FGF9: variants seen among roughly 807,000 people sequenced by gnomAD.
The protein encoded by FGF9 is fibroblast growth factor 9, also known as fibroblast growth factor 9 (glia-activating factor).
Under a neutral mutation model 19.9 loss-of-function variants are expected in FGF9, and 3 were observed. The ratio of observed to expected loss-of-function variants is 0.15; its 90% CI spans 0.07 to 0.39. FGF9 has a LOEUF of 0.39. FGF9 is among the 10% of genes least tolerant of loss of function. The pLI is 1.00. For synonymous variants in FGF9, 107 were observed against 106.9 expected (o/e 1.00, Z -0.01); for missense variants, 175 against 256.8 (o/e 0.68, Z 2.18).
chr13:21,700,104 G>T (rs1239488913), intron 2 of FGF9, among the ~76,000 whole-genome samples: 2 of 151,752 alleles, frequency 1.3e-5, no homozygotes, highest in Non-Finnish European at 2.9e-5. Context: ...CTAGGTTGTG[G>T]GGTTCAACTG....
chr13:21,697,539 C>T (rs1872436903), intron 2 of FGF9, among the ~76,000 whole-genome samples: 1 of 152,106 alleles, frequency 6.6e-6, no homozygotes, highest in African/African-American at 2.4e-5. Context: ...GGAAATAGGG[C>T]AGTGTTAACT....
intron 2 of FGF9, among the ~76,000 whole-genome samples, chr13:21,687,573 C>G (rs763753252): frequency 1.3e-5 from 2 of 152,184 alleles, no homozygotes; most frequent in Middle Eastern, 3.2e-3. Context: ...GTAAATCCAG[C>G]CTTGGCGCTT....
chr13:21,671,704 CTAT>C lies in FGF9; in HGVS notation c.-208_-206del, dbSNP rs1344364107. 6.4e-6 allele frequency: 4 copies of C among 623,082 alleles called. No individual in the cohort carries two copies. The highest frequency in any genetic ancestry group is 8.5e-6 in the Non-Finnish European group (3 of 353,328). 38.6% of individuals were successfully genotyped at this position (623,082 alleles called of 1,614,324 possible). A position where few individuals can be genotyped will look rare whatever the true frequency, so the allele number is the denominator to read the frequency against. ...GAGTATAAAGTGGTGGTTTCTTAGA[CTAT>C]CAGTGGTTTGACCTTGAACCTGTGC... is the stretch of plus-strand genomic sequence containing the variant. On this transcript the variant is annotated 5_prime_UTR_variant, in exon 1 of 3. Transcript: ENST00000382353.
chr13:21,700,433 G>A (rs1282546570), intron 2 of FGF9, among the ~76,000 whole-genome samples: 1 of 152,214 alleles, frequency 6.6e-6, no homozygotes, highest in Admixed American at 6.5e-5. Flanking sequence ...CTGAATCAGA[G>A]TTTTAAAGGT....
intron 2 of FGF9, among the ~76,000 whole-genome samples, chr13:21,685,192 G>T (rs1198653703): frequency 2.0e-5 from 3 of 152,172 alleles, no homozygotes; most frequent in Admixed American, 2.0e-4. Context: ...AACTAAATTG[G>T]AGATTTTTTT....
At chr13:21,677,522 C>T (rs1278402134) in intron 1 of FGF9, among the ~76,000 whole-genome samples, 1 of 152,044 alleles carries the variant, frequency 6.6e-6, no homozygotes, top group East Asian at 1.9e-4. Flanking sequence ...CCAGCTCCAC[C>T]CCAGAGAGAG....
chr13:21,675,562 G>A (rs763042780), intron 1 of FGF9, among the ~76,000 whole-genome samples: 23 of 152,074 alleles, frequency 1.5e-4, no homozygotes, highest in Non-Finnish European at 2.9e-4. Context: ...GCGCCGCCGC[G>A]GCCTCACCTT....
Position 21,672,811 on chromosome 13 carries a change from G to T in FGF9, c.277+622G>T, listed in dbSNP as rs1871800042. ...TTGGGGGAAAATGACTTGGGAAGAG[G>T]CAGGGCGCTCAGGGGTTTTTGTCCT... On this transcript the variant is annotated intron_variant, in intron 1 of 2. Coordinates refer to ENST00000382353, the MANE Select transcript of FGF9 (RefSeq NM_002010.3). This position sits in a 1 kb window ranked among gnomAD's most constrained non-coding sequence, Gnocchi z 4.2. 6.6e-6 allele frequency among the ~76,000 whole-genome samples: 1 copy of T among 152,206 alleles called. No homozygotes were observed. Among genetic ancestry groups the T allele is most frequent in the African/African-American group, 2.4e-5 (1 of 41,448 alleles).
In FGF9 at chr13:21,673,593, CAA is replaced by C. The variant is rs1871824520; in HGVS notation, c.277+1406_277+1407del. Reference sequence around the variant, plus strand: ...AAGTAAAGGTAGATTCTGGTTGTTGCAAAGAGAAGACTAAACTTTACTAAAAG... The same window carrying C: ...AAGTAAAGGTAGATTCTGGTTGTTGCAGAGAAGACTAAACTTTACTAAAAG... On this transcript the variant is annotated intron_variant, in intron 1 of 2. Coordinates refer to ENST00000382353, the MANE Select transcript of FGF9 (RefSeq NM_002010.3). Among the ~76,000 whole-genome samples, 3 of 152,232 alleles carry C rather than the reference CAA, an allele frequency of 2.0e-5. No homozygotes were observed. The South Asian group carries it at 6.2e-4, about 31-fold the overall frequency.
At chr13:21,679,714 C>G (rs1030740364) in intron 1 of FGF9, among the ~76,000 whole-genome samples, 47 of 147,390 alleles carry the variant, frequency 3.2e-4, no homozygotes, top group African/African-American at 1.1e-3. Flanking sequence ...CGAGGCGGGT[C>G]GATCACGAGG....
rs1191070031 is a variant in FGF9 at position 21,704,360 on chromosome 13, CT to C, written c.*2926del. On this transcript the variant is annotated 3_prime_UTR_variant, in exon 3 of 3. Coordinates refer to ENST00000382353, the MANE Select transcript of FGF9 (RefSeq NM_002010.3). The stretch of plus-strand genomic sequence containing the variant: ...TCCTGTTTTGTAGATAAACAAATGG[CT>C]GCCTTCTGGTGTTTTTATTCTATTT... 6.6e-6 allele frequency: 1 copy of C among 152,184 alleles called. No homozygotes were observed. The highest frequency in any genetic ancestry group is 2.4e-5 in the African/African-American group (1 of 41,446). The allele number at this position is 152,184 out of a possible 1,614,324, so 9.4% of individuals were successfully genotyped here. A position where few individuals can be genotyped will look rare whatever the true frequency, so the allele number is the denominator to read the frequency against.
intron 2 of FGF9, among the ~76,000 whole-genome samples, chr13:21,684,704 A>C (rs1212484218): frequency 6.6e-6 from 1 of 152,238 alleles, no homozygotes; most frequent in Non-Finnish European, 1.5e-5. Context: ...CTCTTCTGTA[A>C]GATGAAGAGC....
intron 2 of FGF9, among the ~76,000 whole-genome samples, chr13:21,698,241 C>G (rs571112230): frequency 6.6e-6 from 1 of 152,308 alleles, no homozygotes; most frequent in East Asian, 1.9e-4. Context: ...ATAACAAGAT[C>G]CTGTGGCACA....
In FGF9 at chr13:21,672,363, C is replaced by G. The variant is rs182538256; in HGVS notation, c.277+174C>G. On this transcript the variant is annotated intron_variant, in intron 1 of 2. Coordinates refer to ENST00000382353, the MANE Select transcript of FGF9 (RefSeq NM_002010.3). This position sits in a 1 kb window ranked among gnomAD's most constrained non-coding sequence, Gnocchi z 4.2. Reference sequence around the variant, plus strand: ...TGCCAGCTCCGAAAAAAAAATGCCTCCGGAATTGCAGATCTGCTGCTGGCA... The same window carrying G: ...TGCCAGCTCCGAAAAAAAAATGCCTGCGGAATTGCAGATCTGCTGCTGGCA... 1.3e-5 allele frequency among the ~76,000 whole-genome samples: 2 copies of G among 152,228 alleles called. No individual in the cohort carries two copies. Among genetic ancestry groups the G allele is most frequent in the African/African-American group, 4.8e-5 (2 of 41,536 alleles).
chr13:21,677,244 A>C (rs9580187), intron 1 of FGF9, among the ~76,000 whole-genome samples: 42,701 of 152,110 alleles, frequency 0.28, 7,023 homozygotes, highest in East Asian at 0.4. Flanking sequence ...ACAGGCTGCC[A>C]TGGTACACAT....
intron 2 of FGF9, among the ~76,000 whole-genome samples, chr13:21,693,488 A>T (rs1872339040): frequency 6.6e-6 from 1 of 152,176 alleles, no homozygotes; most frequent in Non-Finnish European, 1.5e-5. Context: ...ATTGATCTTC[A>T]GGGTGCGTTT....
At chr13:21,681,280 G>T in intron 2 of FGF9, 135 bp downstream of exon 2, 1 of 683,632 alleles carries the variant, frequency 1.5e-6, no homozygotes. Context: ...ACTTTTTGAG[G>T]AAAGCCATTT....
chr13:21,683,676 A>G (rs1288345720), intron 2 of FGF9, among the ~76,000 whole-genome samples: 1 of 152,176 alleles, frequency 6.6e-6, no homozygotes, highest in East Asian at 1.9e-4. Context: ...TCTCTCGTGA[A>G]GAGTGCCCAG....
intron 1 of FGF9, among the ~76,000 whole-genome samples, chr13:21,680,823 G>A (rs1408596482): frequency 6.6e-6 from 1 of 152,082 alleles, no homozygotes; most frequent in African/African-American, 2.4e-5. Context: ...AAGTCATGTT[G>A]GTAAGTATTT....
Sources: allele counts gnomAD v4.1 joint callset (sites outside exome capture counted in the v4.1 genomes callset), GRCh38; gene constraint gnomAD v4.1.1; non-coding constraint Gnocchi (gnomAD v3.1); transcripts MANE v1.5; gene names NCBI Gene and HGNC (gene_info 2026-07-23, HGNC 2026-07-21).